Variants in MEGF11 observed in about 807,000 individuals in gnomAD.
MEGF11 encodes multiple epidermal growth factor-like domains protein 11.
Under a neutral mutation model 146.6 loss-of-function variants are expected in MEGF11, and 126 were observed. The observed-to-expected ratio is 0.86, with a 90% CI of 0.74 to 1.00. MEGF11 has a LOEUF of 1.00. Ranked by LOEUF, MEGF11 falls within the 50% of genes least tolerant of loss-of-function variation. The pLI is 0.00. For missense variants in MEGF11, 1,509 were observed against 1,521.2 expected (o/e 0.99, Z 0.13); for synonymous variants, 532 against 583.4 (o/e 0.91, Z 1.27).
intron 10 of MEGF11, among the ~76,000 whole-genome samples, chr15:65,944,963 A>G (rs544871604): frequency 1.3e-4 from 19 of 144,466 alleles, no homozygotes; most frequent in Non-Finnish European, 2.2e-4. Context: ...CAGTGGTGCC[A>G]TCTCAGCTCA....
intron 5 of MEGF11, among the ~76,000 whole-genome samples, chr15:66,092,219 G>A (rs949528556): frequency 1.3e-5 from 2 of 152,236 alleles, no homozygotes; most frequent in Non-Finnish European, 2.9e-5. Flanking sequence ...GTCAGTGGAG[G>A]TATTCAAGCA....
chr15:66,156,411 C>G (rs2089759082), intron 1 of MEGF11, among the ~76,000 whole-genome samples: 2 of 152,110 alleles, frequency 1.3e-5, no homozygotes, highest in African/African-American at 4.8e-5. Context: ...CCACCAGCAC[C>G]TGGTGGGTCA....
chr15:66,211,448 C>A (rs1027034865), intron 1 of MEGF11, among the ~76,000 whole-genome samples: 1 of 151,156 alleles, frequency 6.6e-6, no homozygotes, highest in Non-Finnish European at 1.5e-5. Flanking sequence ...GGCGTGAACC[C>A]GGGAGGGGGA....
At chr15:66,053,713 C>A in intron 5 of MEGF11, among the ~76,000 whole-genome samples, 1 of 72,610 alleles carries the variant, frequency 1.4e-5, no homozygotes, top group African/African-American at 7.6e-5. Flanking sequence ...CCCCTGGCAC[C>A]AATTTTTTTT....
At chr15:66,229,552 T>C (rs2091922072) in intron 1 of MEGF11, among the ~76,000 whole-genome samples, 1 of 152,242 alleles carries the variant, frequency 6.6e-6, no homozygotes, top group African/African-American at 2.4e-5. Context: ...GAGAGCTGTT[T>C]GTTCCCCTAC....
intron 1 of MEGF11, among the ~76,000 whole-genome samples, chr15:66,196,810 G>A (rs1185966507): frequency 1.3e-5 from 2 of 152,170 alleles, no homozygotes; most frequent in African/African-American, 2.4e-5. Flanking sequence ...GGAATCCTGG[G>A]AAAGAAACAT....
chr15:65,917,847 G>T, intron 16 of MEGF11, 119 bp downstream of exon 16: 1 of 1,190,274 alleles, frequency 8.4e-7, no homozygotes, highest in Non-Finnish European at 1.2e-6. Flanking sequence ...ATTCCTACAT[G>T]CAGAAGGAGA....
At chr15:65,967,492 G>C (rs1485736756) in intron 8 of MEGF11, among the ~76,000 whole-genome samples, 1 of 152,172 alleles carries the variant, frequency 6.6e-6, no homozygotes, top group African/African-American at 2.4e-5. Flanking sequence ...GGAGGATCGT[G>C]GGGGTGGAAG....
intron 5 of MEGF11, among the ~76,000 whole-genome samples, chr15:66,040,930 C>G (rs370154080): frequency 2.0e-5 from 3 of 150,880 alleles, no homozygotes; most frequent in Non-Finnish European, 4.4e-5. Context: ...TTTTTTTCCC[C>G]CCCGGTTTTC....
chr15:65,961,806 G>C (rs963503452), intron 9 of MEGF11, among the ~76,000 whole-genome samples: 1 of 152,196 alleles, frequency 6.6e-6, no homozygotes, highest in African/African-American at 2.4e-5. Flanking sequence ...CACTGTTGTG[G>C]TGGGGGCTTT....
chr15:65,990,539 G>A (rs984387220), intron 5 of MEGF11, among the ~76,000 whole-genome samples: 5 of 150,230 alleles, frequency 3.3e-5, no homozygotes, highest in African/African-American at 1.2e-4. Flanking sequence ...AACATGGTGA[G>A]ACCCTGTCCA....
intron 2 of MEGF11, among the ~76,000 whole-genome samples, chr15:66,128,093 G>A (rs562788549): frequency 7.0e-4 from 107 of 152,316 alleles, no homozygotes; most frequent in African/African-American, 2.5e-3. Flanking sequence ...ACAGTGCATC[G>A]TAACTGAAGT....
rs144575201 is a variant in MEGF11 at position 66,127,094 on chromosome 15, G to A, written c.98+1212C>T. 3.0e-3 allele frequency among the ~76,000 whole-genome samples: 452 copies of A among 152,334 alleles called. 4 individuals carry two copies. The highest frequency in any genetic ancestry group is 0.01 in the African/African-American group (429 of 41,566). Reference sequence around the variant, plus strand: ...TCCTCCAATGAGCCTGTGAGGCAAGGATAATGATTCTCCCCACTTTACAGA... The same window carrying A: ...TCCTCCAATGAGCCTGTGAGGCAAGAATAATGATTCTCCCCACTTTACAGA... On this transcript the variant is annotated intron_variant, in intron 2 of 25. Coordinates refer to ENST00000395614, the MANE Select transcript of MEGF11 (RefSeq NM_001385028.1).
At chr15:66,040,762 C>T (rs170781) in intron 5 of MEGF11, among the ~76,000 whole-genome samples, 104,502 of 151,988 alleles carry the variant, frequency 0.69, 38,869 homozygotes, top group Non-Finnish European at 0.83. Flanking sequence ...TGGTTGAAAC[C>T]TCTAGTAGAC....
chr15:66,151,738 A>G (rs1315577183), intron 1 of MEGF11, among the ~76,000 whole-genome samples: 1 of 152,158 alleles, frequency 6.6e-6, no homozygotes, highest in Non-Finnish European at 1.5e-5. Flanking sequence ...GGTCATCCCC[A>G]GGGAGCCCCA....
At chr15:66,130,741 GA>G (rs1337601939) in intron 1 of MEGF11, among the ~76,000 whole-genome samples, 2 of 151,912 alleles carry the variant, frequency 1.3e-5, no homozygotes, top group African/African-American at 4.8e-5. Context: ...AGGAAGGAAG[GA>G]AGGAAGGAAG....
chr15:66,088,814 T>C (rs907793302), intron 5 of MEGF11, among the ~76,000 whole-genome samples: 1 of 152,064 alleles, frequency 6.6e-6, no homozygotes, highest in Non-Finnish European at 1.5e-5. Context: ...GAAAGCAGAT[T>C]GTTGGTTGCC....
intron 1 of MEGF11, among the ~76,000 whole-genome samples, chr15:66,222,886 G>C (rs1597160296): frequency 6.6e-6 from 1 of 152,312 alleles, no homozygotes; most frequent in East Asian, 1.9e-4. Flanking sequence ...ATACACTGCT[G>C]GTGGGAATGT....
intron 4 of MEGF11, among the ~76,000 whole-genome samples, chr15:66,105,118 G>C (rs1325441426): frequency 1.3e-5 from 2 of 151,994 alleles, no homozygotes; most frequent in African/African-American, 4.8e-5. Flanking sequence ...TCCATGCAGA[G>C]ATGCAATTAA....
Sources: gnomAD v4.1 joint callset for allele counts (sites outside exome capture counted in the v4.1 genomes callset) on GRCh38, gnomAD v4.1.1 for gene constraint, MANE v1.5 for transcripts, NCBI Gene and HGNC (gene_info 2026-07-23, HGNC 2026-07-21) for gene names.